NSUN6: variants seen among roughly 807,000 people sequenced by gnomAD.
NSUN6 encodes the protein NOP2/Sun RNA methyltransferase 6.
NSUN6 carries 64 observed loss-of-function variants against 58.0 expected under a neutral mutation model. The observed-to-expected ratio is 1.10, with a 90% CI of 0.90 to 1.36. The LOEUF is 1.36. NSUN6 is among the 40% of genes most tolerant of loss of function. NSUN6 has a pLI of 0.00. For synonymous variants in NSUN6, 231 were observed against 193.9 expected, an observed-to-expected ratio of 1.19 and a Z score of -1.59; for missense variants, 701 against 550.1, an observed-to-expected ratio of 1.27 and a Z score of -2.74.
intron 3 of NSUN6, among the ~76,000 whole-genome samples, chr10:18,617,441 G>A (rs1011462467): frequency 3.4e-4 from 51 of 152,098 alleles, no homozygotes; most frequent in Admixed American, 2.2e-3. Context: ...ACCAGCCTCA[G>A]CCTCCCAAAG....
intron 6 of NSUN6, among the ~76,000 whole-genome samples, chr10:18,598,028 A>G (rs994429784): frequency 5.9e-5 from 9 of 152,222 alleles, no homozygotes; most frequent in Non-Finnish European, 1.3e-4. Flanking sequence ...ATACATCCAG[A>G]TGGCCTGAAG....
chr10:18,645,608 C>T (rs1349953096), intron 2 of NSUN6, among the ~76,000 whole-genome samples: 1 of 152,156 alleles, frequency 6.6e-6, no homozygotes, highest in Non-Finnish European at 1.5e-5. Context: ...GAATATATCA[C>T]ATTTTGTTTA....
chr10:18,638,565 G>A (rs2059291915), intron 3 of NSUN6, among the ~76,000 whole-genome samples: 1 of 152,114 alleles, frequency 6.6e-6, no homozygotes, highest in East Asian at 1.9e-4. Context: ...CAAAAGACAA[G>A]GTACTGTTAC....
chr10:18,591,869 C>T (rs191677334), intron 7 of NSUN6, among the ~76,000 whole-genome samples: 2 of 152,064 alleles, frequency 1.3e-5, no homozygotes, highest in African/African-American at 4.8e-5. Context: ...TCTGGCCAGG[C>T]TAATCAGGCA....
chr10:18,565,871 T>C (rs553093948), intron 8 of NSUN6, among the ~76,000 whole-genome samples: 1 of 150,536 alleles, frequency 6.6e-6, no homozygotes, highest in South Asian at 2.1e-4. Context: ...TTCCAGTTCA[T>C]TCTGCATTCC....
intron 9 of NSUN6, 122 bp from the exon 10 acceptor site, chr10:18,548,359 G>C (rs1238513043): frequency 1.3e-6 from 1 of 785,102 alleles, no homozygotes; most frequent in Non-Finnish European, 1.9e-6. Context: ...TGTTCTATGT[G>C]ACAAGGATTC....
intron 8 of NSUN6, among the ~76,000 whole-genome samples, chr10:18,579,223 A>AG (rs1256936889): frequency 6.6e-6 from 1 of 152,084 alleles, no homozygotes; most frequent in African/African-American, 2.4e-5. Context: ...CCCAGGCTGG[A>AG]GTGCAGTGGA....
At chr10:18,651,589 ATTT>A (rs748717277), upstream of NSUN6, 95 of 989,440 alleles carry the variant, frequency 9.6e-5, no homozygotes, top group Non-Finnish European at 1.1e-4. Flanking sequence ...TTTTCTATCA[ATTT>A]CCAAACACGC....
rs1222336642 is a variant in NSUN6, at chr10:18,596,194, G to A, written c.777+14C>T. ...ACTACTTTGAGAGTGGATTTGCTGT[G>A]AAGACAGTCTCACCTGATCATGCAT... On this transcript the variant is annotated intron_variant, in intron 7 of 10. Coordinates refer to ENST00000377304, the MANE Select transcript of NSUN6 (RefSeq NM_182543.5). 1 of 1,604,812 alleles carries A rather than the reference G, an allele frequency of 6.2e-7. No individual in the cohort carries two copies. The highest frequency in any genetic ancestry group is 2.2e-5 in the East Asian group (1 of 44,802).
At position 18,616,209 on chromosome 10, in the gene NSUN6, G is replaced by A. The variant is rs370821998; in HGVS notation, c.396C>T (p.Ala132=). ...NAVLRGAHVY[A]PGIVSASQFM... ...ATTGTGATGCTGACACAATTCCTGG[G>A]GCATAGACATGGGCTCCTCTTAAAA... Residue 132 remains alanine, a synonymous_variant, in exon 4 of 11, where the codon GCC becomes GCT. Coordinates refer to ENST00000377304, the MANE Select transcript of NSUN6 (RefSeq NM_182543.5). 7.2e-5 allele frequency: 114 copies of A among 1,588,556 alleles called. No homozygotes were observed. Among genetic ancestry groups the A allele is most frequent in the Non-Finnish European group, 9.4e-5 (109 of 1,157,034 alleles).
intron 3 of NSUN6, among the ~76,000 whole-genome samples, chr10:18,628,954 A>C (rs1455435461): frequency 6.6e-6 from 1 of 152,194 alleles, no homozygotes; most frequent in Non-Finnish European, 1.5e-5. Flanking sequence ...CATAATTGTC[A>C]GATTCACCAA....
chr10:18,629,011 C>G (rs557761858), intron 3 of NSUN6, among the ~76,000 whole-genome samples: 1 of 152,108 alleles, frequency 6.6e-6, no homozygotes, highest in South Asian at 2.1e-4. Flanking sequence ...AGAGAAAGGT[C>G]GGGTTACCCA....
At chr10:18,659,243 C>A, upstream of NSUN6, 1 of 206,308 alleles carries the variant, frequency 4.8e-6, no homozygotes, top group Non-Finnish European at 9.6e-6. Context: ...GGAAGTGAAA[C>A]CGAAGAAAAC....
chr10:18,650,796 C>A (rs991159554), intron 1 of NSUN6, among the ~76,000 whole-genome samples: 4 of 152,232 alleles, frequency 2.6e-5, no homozygotes, highest in Non-Finnish European at 5.9e-5. Flanking sequence ...CACCTGAGTG[C>A]CAGAGCCAGC....
intron 7 of NSUN6, among the ~76,000 whole-genome samples, chr10:18,595,956 A>G (rs573079191): frequency 2.1e-4 from 32 of 152,352 alleles, no homozygotes; most frequent in Non-Finnish European, 3.2e-4. Context: ...TAAATGTATT[A>G]AATTTAATTT....
At chr10:18,577,596 T>C (rs2056713858) in intron 8 of NSUN6, among the ~76,000 whole-genome samples, 1 of 152,104 alleles carries the variant, frequency 6.6e-6, no homozygotes, top group African/African-American at 2.4e-5. Context: ...AGCCAAGACA[T>C]GTTAAAGAAG....
chr10:18,601,063 C>T (rs746537023), intron 6 of NSUN6, among the ~76,000 whole-genome samples: 1 of 147,378 alleles, frequency 6.8e-6, no homozygotes, highest in Non-Finnish European at 1.5e-5. Flanking sequence ...GGCCACTCAC[C>T]TTATGAACTA....
intron 8 of NSUN6, among the ~76,000 whole-genome samples, chr10:18,571,712 C>CCTTCT (rs2056375804): frequency 6.6e-6 from 1 of 151,230 alleles, no homozygotes; most frequent in Non-Finnish European, 1.5e-5. Context: ...CATTCCATTC[C>CCTTCT]ATTCTCTATT....
chr10:18,553,185 C>T (rs1686098042), intron 8 of NSUN6, among the ~76,000 whole-genome samples: 1 of 151,508 alleles, frequency 6.6e-6, no homozygotes, highest in African/African-American at 2.4e-5. Flanking sequence ...CCATTGCATT[C>T]TCCATTCCAT....
Sources: gnomAD v4.1 joint callset for allele counts (sites outside exome capture counted in the v4.1 genomes callset) on GRCh38, gnomAD v4.1.1 for gene constraint, MANE v1.5 for transcripts, NCBI Gene and HGNC (gene_info 2026-07-23, HGNC 2026-07-21) for gene names.